FAF1: variants seen among roughly 807,000 people sequenced by gnomAD.
FAF1 encodes Fas associated factor 1.
A neutral mutation model predicts 92.5 loss-of-function variants in FAF1; 25 were observed. The observed-to-expected ratio is 0.27, with a 90% CI of 0.20 to 0.38. The LOEUF is 0.38. FAF1 is among the 10% of genes least tolerant of loss of function. The pLI is 1.00. For synonymous variants in FAF1, 234 were observed against 273.2 expected (o/e 0.86, Z 1.42); for missense variants, 636 against 793.3 (o/e 0.80, Z 2.38).
In FAF1 at chr1:50,441,405, G is replaced by A. The variant is rs772212793; in HGVS notation, c.*35C>T. 1 of 1,377,690 alleles carries A rather than the reference G, an allele frequency of 7.3e-7. No homozygotes were observed. Among genetic ancestry groups the A allele is most frequent in the Non-Finnish European group, 9.8e-7 (1 of 1,015,940 alleles). 85.3% of individuals were successfully genotyped at this position (1,377,690 alleles called of 1,614,324 possible). A position where few individuals can be genotyped will look rare whatever the true frequency, so the allele number is the denominator to read the frequency against. On this transcript the variant is annotated 3_prime_UTR_variant, in exon 19 of 19. Coordinates refer to ENST00000396153, the MANE Select transcript of FAF1 (RefSeq NM_007051.3). ...TTCTCCTGACGCAGGCTGCTGGCTT[G>A]TCAAGGAATGGCTGGTTCCACCGCT...
chr1:50,882,127 C>T (rs887242754), intron 1 of FAF1, among the ~76,000 whole-genome samples: 2 of 152,024 alleles, frequency 1.3e-5, no homozygotes, highest in Non-Finnish European at 2.9e-5. Flanking sequence ...ATATATAATA[C>T]ACATAAAAAC....
chr1:50,931,888 A>AATAATAAT lies in FAF1; in HGVS notation c.45+27878_45+27879insATTATTAT, dbSNP rs778583887. On this transcript the variant is annotated intron_variant, in intron 1 of 18. Transcript: ENST00000396153. ...GACTCTGTCTCAAAAATAAATAAATAAATAATAATAATAATAATAATAATA... is the reference window on the plus strand; with the variant it reads ...GACTCTGTCTCAAAAATAAATAAATAATAATAATAATAATAATAATAATAATAATAATA... Among the ~76,000 whole-genome samples the AATAATAAT allele has an allele frequency of 3.1e-5, 4 of 129,482 alleles. No individual in the cohort carries two copies. In the East Asian group the frequency reaches 6.5e-4, roughly 21 times the overall value. 84.9% of individuals were successfully genotyped at this position (129,482 alleles called of 152,430 possible).
At chr1:50,822,676 C>A (rs1331993453) in intron 2 of FAF1, among the ~76,000 whole-genome samples, 1 of 151,606 alleles carries the variant, frequency 6.6e-6, no homozygotes, top group Non-Finnish European at 1.5e-5. Context: ...AGTCCTTTCC[C>A]AGATTGAATT....
chr1:50,516,244 T>C (rs1332948076), intron 15 of FAF1, among the ~76,000 whole-genome samples: 1 of 152,174 alleles, frequency 6.6e-6, no homozygotes, highest in Non-Finnish European at 1.5e-5. Flanking sequence ...ACCCAGGGCC[T>C]AATTCAAACC....
chr1:50,577,158 T>C (rs1035591490), intron 12 of FAF1, among the ~76,000 whole-genome samples: 3 of 152,228 alleles, frequency 2.0e-5, no homozygotes, highest in African/African-American at 7.2e-5. Flanking sequence ...TTCTTCCTTC[T>C]GTTTAGAATT....
intron 18 of FAF1, among the ~76,000 whole-genome samples, chr1:50,467,243 TA>T (rs1180027731): frequency 6.6e-6 from 1 of 152,208 alleles, no homozygotes; most frequent in Non-Finnish European, 1.5e-5. Context: ...ATAGGAATTA[TA>T]AGGTGAGATG....
intron 2 of FAF1, among the ~76,000 whole-genome samples, chr1:50,829,791 G>A (rs1644136160): frequency 1.3e-5 from 2 of 152,196 alleles, no homozygotes; most frequent in Admixed American, 6.5e-5. Context: ...GACAAATCAA[G>A]AGCCAGCATT....
intron 2 of FAF1, among the ~76,000 whole-genome samples, chr1:50,838,412 T>TGTAA (rs1235741452): frequency 6.7e-6 from 1 of 150,214 alleles, no homozygotes; most frequent in Non-Finnish European, 1.5e-5. Context: ...TTACTTTTAA[T>TGTAA]TTTACATGTT....
At chr1:50,525,824 G>T (rs375249217) in intron 15 of FAF1, among the ~76,000 whole-genome samples, 23 of 152,222 alleles carry the variant, frequency 1.5e-4, no homozygotes, top group African/African-American at 4.8e-4. Flanking sequence ...CAGAGTTACA[G>T]ATTATGTTGC....
At chr1:50,910,577 C>A (rs1312893843) in intron 1 of FAF1, among the ~76,000 whole-genome samples, 2 of 152,168 alleles carry the variant, frequency 1.3e-5, no homozygotes, top group Non-Finnish European at 1.5e-5. Context: ...ACTCAAGCCT[C>A]AGCAATGGCG....
At chr1:50,547,474 C>CAG (rs1649085535) in intron 13 of FAF1, among the ~76,000 whole-genome samples, 1 of 151,464 alleles carries the variant, frequency 6.6e-6, no homozygotes, top group Admixed American at 6.6e-5. Context: ...AGTGCAACGG[C>CAG]GTGATCTAGG....
At chr1:50,470,187 G>C (rs1268721886) in intron 18 of FAF1, among the ~76,000 whole-genome samples, 1 of 152,122 alleles carries the variant, frequency 6.6e-6, no homozygotes, top group African/African-American at 2.4e-5. Flanking sequence ...ACTGGTGCTT[G>C]CAGCTGCAAT....
chr1:50,676,154 C>G (rs1170693684), intron 7 of FAF1, among the ~76,000 whole-genome samples: 1 of 152,200 alleles, frequency 6.6e-6, no homozygotes, highest in Admixed American at 6.5e-5. Context: ...TGCCTGTAAT[C>G]CCAGCACTTC....
At chr1:50,882,224 C>T (rs1427505804) in intron 1 of FAF1, among the ~76,000 whole-genome samples, 1 of 152,152 alleles carries the variant, frequency 6.6e-6, no homozygotes, top group Non-Finnish European at 1.5e-5. Context: ...GAAGAAAAAA[C>T]TCTGGCTAAC....
chr1:50,746,266 ATATATATATATATATATATATATATAT>A (rs1194601582), intron 4 of FAF1, among the ~76,000 whole-genome samples: 4 of 20,676 alleles, frequency 1.9e-4, no homozygotes, highest in Non-Finnish European at 2.6e-4. Flanking sequence ...ATATATATAT[ATATATATATATATATATATATATATAT>A]TTTTTTTTTT....
intron 8 of FAF1, among the ~76,000 whole-genome samples, chr1:50,633,517 T>C (rs1653878810): frequency 6.6e-6 from 1 of 152,196 alleles, no homozygotes; most frequent in African/African-American, 2.4e-5. Flanking sequence ...TTACAGGAAC[T>C]ATAAAAGGAC....
intron 4 of FAF1, among the ~76,000 whole-genome samples, chr1:50,771,529 A>T (rs1660776562): frequency 6.6e-6 from 1 of 152,228 alleles, no homozygotes; most frequent in Non-Finnish European, 1.5e-5. Context: ...GCTTAGTATC[A>T]CTAATTATCA....
chr1:50,582,239 T>A (rs558366737), intron 12 of FAF1, among the ~76,000 whole-genome samples: 210 of 151,472 alleles, frequency 1.4e-3, no homozygotes, highest in African/African-American at 4.8e-3. Flanking sequence ...TTTTCCCATT[T>A]AAAAAAAAAC....
intron 13 of FAF1, among the ~76,000 whole-genome samples, chr1:50,549,390 G>A (rs552033603): frequency 6.6e-6 from 1 of 152,012 alleles, no homozygotes; most frequent in Non-Finnish European, 1.5e-5. Flanking sequence ...CTCACGGAAG[G>A]CTTGAACTCC....
Sources: gnomAD v4.1 joint callset for allele counts (sites outside exome capture counted in the v4.1 genomes callset) on GRCh38, gnomAD v4.1.1 for gene constraint, MANE v1.5 for transcripts, NCBI Gene and HGNC (gene_info 2026-07-23, HGNC 2026-07-21) for gene names.